The following IL1RAPL2 variants were observed in gnomAD, a reference collection of about 807,000 sequenced individuals.
The protein encoded by IL1RAPL2 is X-linked interleukin-1 receptor accessory protein-like 2.
IL1RAPL2 carries 3 observed loss-of-function variants against 44.1 expected under a neutral mutation model. The observed-to-expected ratio is 0.07, with a 90% CI of 0.03 to 0.18. The LOEUF (loss-of-function observed/expected upper bound fraction) is 0.18. Among genes scored for constraint, IL1RAPL2 ranks in the 10% least tolerant of loss-of-function variants. IL1RAPL2 has a pLI of 1.00. For missense variants in IL1RAPL2, 391 were observed against 496.4 expected (o/e 0.79, Z 2.02); for synonymous variants, 181 against 178.8 (o/e 1.01, Z -0.10).
intron 5 of IL1RAPL2, among the ~76,000 whole-genome samples, chrX:105,427,513 T>A (rs911669539): frequency 4.5e-5 from 5 of 112,185 alleles, no homozygotes; most frequent in Admixed American, 3.8e-4. Flanking sequence ...CTTTCTGGAG[T>A]CATGTTTATA....
At chrX:105,696,718 A>G (rs1444819453) in intron 6 of IL1RAPL2, among the ~76,000 whole-genome samples, 1 of 111,061 alleles carries the variant, frequency 9.0e-6, no homozygotes, top group Non-Finnish European at 1.9e-5. Flanking sequence ...CACCTTAAGG[A>G]TAACATAGGC....
chrX:105,640,674 A>ATATG, intron 6 of IL1RAPL2, among the ~76,000 whole-genome samples: 1 of 93,647 alleles, frequency 1.1e-5, no homozygotes, highest in Middle Eastern at 5.2e-3. Context: ...ATATATATAT[A>ATATG]TATATATATA....
At chrX:105,128,887 T>C (rs956328958) in intron 2 of IL1RAPL2, among the ~76,000 whole-genome samples, 5 of 111,175 alleles carry the variant, frequency 4.5e-5, no homozygotes, top group African/African-American at 1.6e-4. Flanking sequence ...GATTGATAAA[T>C]TGGCCATGGT....
At chrX:105,297,904 T>C (rs1272948154) in intron 5 of IL1RAPL2, among the ~76,000 whole-genome samples, 1 of 111,493 alleles carries the variant, frequency 9.0e-6, no homozygotes, top group African/African-American at 3.3e-5. Context: ...ATATTCCCTT[T>C]AAGAGATTAT....
At chrX:105,173,011 T>G (rs1356413005) in intron 2 of IL1RAPL2, among the ~76,000 whole-genome samples, 5 of 110,874 alleles carry the variant, frequency 4.5e-5, no homozygotes, top group African/African-American at 1.6e-4. Flanking sequence ...TGGTAATCTC[T>G]TAATAATTTG....
At chrX:105,697,854 T>C (rs753506035) in intron 6 of IL1RAPL2, among the ~76,000 whole-genome samples, 56 of 112,202 alleles carry the variant, frequency 5.0e-4, no homozygotes, top group African/African-American at 1.7e-3. Flanking sequence ...TCTCATTATA[T>C]ATTTTTCTTC....
At chrX:105,747,391 G>C (rs1468428468) in intron 8 of IL1RAPL2, among the ~76,000 whole-genome samples, 2 of 104,409 alleles carry the variant, frequency 1.9e-5, no homozygotes, top group East Asian at 3.1e-4. Flanking sequence ...TACTCAAAAA[G>C]AGTGACATTT....
At chrX:104,742,537 T>C in intron 2 of IL1RAPL2, among the ~76,000 whole-genome samples, 1 of 111,941 alleles carries the variant, frequency 8.9e-6, no homozygotes, top group Non-Finnish European at 1.9e-5. Flanking sequence ...CAGTAAATGT[T>C]TGTTTAATGA....
intron 1 of IL1RAPL2, among the ~76,000 whole-genome samples, chrX:104,586,864 T>C (rs1011706062): frequency 8.9e-6 from 1 of 111,983 alleles, no homozygotes; most frequent in African/African-American, 3.2e-5. Context: ...TGAGAAGGAC[T>C]GAAAGTGTTT....
At chrX:104,829,960 C>G (rs1921563467) in intron 2 of IL1RAPL2, among the ~76,000 whole-genome samples, 1 of 111,899 alleles carries the variant, frequency 8.9e-6, no homozygotes, top group Admixed American at 9.5e-5. Flanking sequence ...GTTAAGGAAT[C>G]TGCCTATAGT....
At chrX:105,448,457 C>T (rs1023044564) in intron 5 of IL1RAPL2, among the ~76,000 whole-genome samples, 29 of 109,717 alleles carry the variant, frequency 2.6e-4, no homozygotes, top group African/African-American at 8.0e-4. Flanking sequence ...CTCCGCCTCC[C>T]GGGTTCAGGT....
chrX:105,520,923 CTTTTTT>C (rs1172515228), intron 6 of IL1RAPL2, among the ~76,000 whole-genome samples: 30 of 52,357 alleles, frequency 5.7e-4, no homozygotes, highest in African/African-American at 1.9e-3. Flanking sequence ...TTCTTTCTTT[CTTTTTT>C]TTTTTTTTTT....
chrX:104,970,296 G>C (rs2030208376), intron 2 of IL1RAPL2, among the ~76,000 whole-genome samples: 1 of 111,668 alleles, frequency 9.0e-6, no homozygotes, highest in Non-Finnish European at 1.9e-5. Context: ...AATTGATACA[G>C]AGCAAGTGAG....
intron 6 of IL1RAPL2, among the ~76,000 whole-genome samples, chrX:105,610,936 G>T (rs1357371119): frequency 9.0e-6 from 1 of 111,447 alleles, no homozygotes; most frequent in Non-Finnish European, 1.9e-5. Context: ...TCATAAGAAG[G>T]CATTGTTATC....
chrX:104,569,339 G>A (rs1261728635), intron 1 of IL1RAPL2, among the ~76,000 whole-genome samples: 1 of 112,031 alleles, frequency 8.9e-6, no homozygotes, highest in Non-Finnish European at 1.9e-5. Context: ...TGGATAGCAG[G>A]GTGCCCCTGG....
intron 2 of IL1RAPL2, among the ~76,000 whole-genome samples, chrX:105,185,895 A>C (rs1217569115): frequency 3.6e-5 from 4 of 112,144 alleles, no homozygotes; most frequent in Non-Finnish European, 7.5e-5. Context: ...CAGGATGAGA[A>C]TTTATGGATT....
At chrX:104,915,756 G>A (rs1231656009) in intron 2 of IL1RAPL2, among the ~76,000 whole-genome samples, 2 of 111,762 alleles carry the variant, frequency 1.8e-5, no homozygotes, top group African/African-American at 6.5e-5. Context: ...TAAGGTGTAA[G>A]GAAGGGATCC....
intron 2 of IL1RAPL2, among the ~76,000 whole-genome samples, chrX:105,044,294 A>T (rs1020962633): frequency 1.8e-5 from 2 of 111,468 alleles, no homozygotes; most frequent in Non-Finnish European, 3.8e-5. Context: ...AAGTGTTAAT[A>T]GTTTTGTATT....
chrX:105,518,283 A>G (rs2036530309), intron 6 of IL1RAPL2, among the ~76,000 whole-genome samples: 1 of 111,149 alleles, frequency 9.0e-6, no homozygotes, highest in Admixed American at 9.6e-5. Flanking sequence ...AACACCTACA[A>G]TTACCTCCTT....
Sources: allele counts gnomAD v4.1 joint callset (sites outside exome capture counted in the v4.1 genomes callset), GRCh38; gene constraint gnomAD v4.1.1; transcripts MANE v1.5; gene names NCBI Gene and HGNC (gene_info 2026-07-23, HGNC 2026-07-21).